Variants in NAV2 observed in about 807,000 individuals in gnomAD.
NAV2 encodes neuron navigator 2, also known as helicase, APC down-regulated 1.
NAV2 carries 54 observed loss-of-function variants against 223.2 expected under a neutral mutation model. The observed-to-expected ratio is 0.24, with a 90% CI of 0.19 to 0.30. The LOEUF is 0.30. Among genes scored for constraint, NAV2 ranks in the 10% least tolerant of loss-of-function variants. NAV2 has a pLI of 1.00. For missense variants in NAV2, 2,806 were observed against 3,147.5 expected (o/e 0.89, Z 2.60); for synonymous variants, 1,279 against 1,239.3 (o/e 1.03, Z -0.67).
intron 35 of NAV2, among the ~76,000 whole-genome samples, chr11:20,106,181 GTGTATATA>G (rs1344240380): frequency 5.4e-4 from 8 of 14,898 alleles, no homozygotes; most frequent in African/African-American, 1.0e-3. Flanking sequence ...ATATATGTGT[GTGTATATA>G]TATATATATA....
chr11:19,550,851 C>T (rs1412512874), intron 1 of NAV2, among the ~76,000 whole-genome samples: 3 of 152,200 alleles, frequency 2.0e-5, no homozygotes, highest in Non-Finnish European at 4.4e-5. Flanking sequence ...ATTGCTATGG[C>T]AACACTCAAG....
intron 1 of NAV2, among the ~76,000 whole-genome samples, chr11:19,692,360 C>T (rs901322161): frequency 6.6e-6 from 1 of 152,252 alleles, no homozygotes; most frequent in African/African-American, 2.4e-5. Flanking sequence ...GAAGCACCAA[C>T]CAAATGTATG....
At chr11:19,716,073 T>C (rs1228414589) in intron 1 of NAV2, among the ~76,000 whole-genome samples, 2 of 128,938 alleles carry the variant, frequency 1.6e-5, no homozygotes, top group African/African-American at 2.9e-5. Flanking sequence ...CAAAACAGTC[T>C]CTTGGTTATG....
chr11:19,623,699 G>A (rs1054486027), intron 1 of NAV2, among the ~76,000 whole-genome samples: 5 of 152,154 alleles, frequency 3.3e-5, no homozygotes, highest in African/African-American at 1.2e-4. Flanking sequence ...GCTTCTTTGC[G>A]ATGGGTTCGA....
intron 1 of NAV2, among the ~76,000 whole-genome samples, chr11:19,548,063 C>A (rs2044562721): frequency 6.6e-6 from 1 of 152,158 alleles, no homozygotes; most frequent in African/African-American, 2.4e-5. Context: ...CTCAGGGGGC[C>A]TGACTCTGCA....
intron 1 of NAV2, among the ~76,000 whole-genome samples, chr11:19,371,251 T>C (rs1848459083): frequency 6.8e-6 from 1 of 147,484 alleles, no homozygotes. Flanking sequence ...ATTATCTTGA[T>C]TTTTTTCCAC....
At chr11:19,389,319 C>T (rs1051409000) in intron 1 of NAV2, among the ~76,000 whole-genome samples, 1 of 152,240 alleles carries the variant, frequency 6.6e-6, no homozygotes, top group Non-Finnish European at 1.5e-5. Context: ...ATAGAGACTT[C>T]AGTCTTATGG....
intron 8 of NAV2, among the ~76,000 whole-genome samples, chr11:19,946,099 G>C (rs1337719352): frequency 6.6e-6 from 1 of 152,210 alleles, no homozygotes; most frequent in African/African-American, 2.4e-5. Context: ...GCATGTCTCT[G>C]TTGGAGACAC....
At chr11:19,742,981 G>A (rs920878950) in intron 1 of NAV2, among the ~76,000 whole-genome samples, 5 of 152,206 alleles carry the variant, frequency 3.3e-5, no homozygotes, top group African/African-American at 1.2e-4. Flanking sequence ...GGAATTGAAG[G>A]TCCACTTCTA....
chr11:19,485,557 A>T (rs1231854180), intron 1 of NAV2, among the ~76,000 whole-genome samples: 2 of 152,200 alleles, frequency 1.3e-5, no homozygotes, highest in Non-Finnish European at 2.9e-5. Context: ...GGGGAGACAT[A>T]GTCTCCAGAA....
chr11:19,630,419 G>C (rs1352326139), intron 1 of NAV2, among the ~76,000 whole-genome samples: 2 of 152,230 alleles, frequency 1.3e-5, no homozygotes, highest in East Asian at 3.9e-4. Context: ...CAAAGACAGT[G>C]GTTTTCAAAC....
chr11:19,470,731 G>A (rs1164122282), intron 1 of NAV2, among the ~76,000 whole-genome samples: 3 of 152,180 alleles, frequency 2.0e-5, no homozygotes, highest in Admixed American at 2.0e-4. Context: ...AACCAATGGG[G>A]ACTGGCAAAA....
chr11:19,828,006 G>A lies in NAV2; in HGVS notation c.268-4478G>A, dbSNP rs146636013. Among the ~76,000 whole-genome samples, 20 of 152,180 alleles carry A rather than the reference G, an allele frequency of 1.3e-4. No individual in the cohort carries two copies. In the East Asian group the frequency reaches 1.4e-3, roughly 10 times the overall value. On this transcript the variant is annotated intron_variant, in intron 1 of 37. Transcript: ENST00000349880. ...GGAGGGAATCAACAATGAGCTGGGC[G>A]TGATGGCACCATCTGTAGTCCCAGC...
chr11:19,419,294 G>T (rs1354469626), intron 1 of NAV2, among the ~76,000 whole-genome samples: 1 of 152,224 alleles, frequency 6.6e-6, no homozygotes, highest in Non-Finnish European at 1.5e-5. Context: ...GAGAGGCACT[G>T]CAGGTGAGCC....
intron 1 of NAV2, among the ~76,000 whole-genome samples, chr11:19,764,633 T>G (rs749444341): frequency 2.0e-5 from 3 of 152,218 alleles, no homozygotes; most frequent in Non-Finnish European, 4.4e-5. Flanking sequence ...AGAGTAAGCC[T>G]TCAGTACATT....
At chr11:19,861,318 C>T (rs1053094884) in intron 3 of NAV2, among the ~76,000 whole-genome samples, 19 of 152,092 alleles carry the variant, frequency 1.2e-4, no homozygotes, top group Admixed American at 1.1e-3. Flanking sequence ...GAGAGCTGTG[C>T]TTGAGAGGAA....
intron 6 of NAV2, among the ~76,000 whole-genome samples, chr11:19,894,860 A>T (rs2041820425): frequency 6.6e-6 from 1 of 152,038 alleles, no homozygotes; most frequent in Non-Finnish European, 1.5e-5. Flanking sequence ...CCTCCCTAGT[A>T]GCTGGGATTA....
At chr11:19,482,091 T>G (rs958401443) in intron 1 of NAV2, among the ~76,000 whole-genome samples, 1 of 152,238 alleles carries the variant, frequency 6.6e-6, no homozygotes, top group East Asian at 1.9e-4. Flanking sequence ...AAATTTATAA[T>G]CCATTTATTG....
chr11:19,829,224 G>A (rs749862919), intron 1 of NAV2, among the ~76,000 whole-genome samples: 4 of 152,208 alleles, frequency 2.6e-5, no homozygotes, highest in Admixed American at 6.5e-5. Flanking sequence ...TCCCTCCCAC[G>A]TGGCTGAGGA....
Sources: gnomAD v4.1 joint callset for allele counts (sites outside exome capture counted in the v4.1 genomes callset) on GRCh38, gnomAD v4.1.1 for gene constraint, MANE v1.5 for transcripts, NCBI Gene and HGNC (gene_info 2026-07-23, HGNC 2026-07-21) for gene names.